EML4: variants seen among roughly 807,000 people sequenced by gnomAD.
The protein encoded by EML4 is echinoderm microtubule-associated protein-like 4.
In EML4, 72 loss-of-function variants were observed where a neutral mutation model predicts 129.0. The ratio of observed to expected loss-of-function variants is 0.56; its 90% CI spans 0.46 to 0.68. The LOEUF (loss-of-function observed/expected upper bound fraction) is 0.68, where lower values mean the gene tolerates loss of function less well. Ranked by LOEUF, EML4 falls within the 30% of genes least tolerant of loss-of-function variation. The pLI, the probability that EML4 is intolerant of heterozygous loss-of-function variation, is 0.00. For synonymous variants in EML4, 532 were observed against 405.0 expected (o/e 1.31, Z -3.77); for missense variants, 1,363 against 1,190.6 (o/e 1.14, Z -2.13).
In EML4 at chr2:42,263,218, T is replaced by C. The variant is rs1477996970; in HGVS notation, c.553T>C (p.Trp185Arg). ...PSPAEKSHNS[W>R]ENSDDSRNKL... ...ACCAGCTGAAAAGTCACATAATTCT[T>C]GGGAAAATTCAGATGATAGCCGTAA... The change falls in exon 5 of 23, where the codon TGG (tryptophan) becomes CGG (arginine). Residue 185 changes from tryptophan (W) to arginine (R), a missense_variant. By Grantham distance (101) the Trp-to-Arg change is moderately radical. Transcript: ENST00000318522. The C allele has an allele frequency of 1.2e-6, 2 of 1,612,910 alleles. No individual in the cohort carries two copies. Among genetic ancestry groups the C allele is most frequent in the Admixed American group, 1.7e-5 (1 of 59,886 alleles).
chr2:42,265,730 TAATC>T (rs1192050337), intron 6 of EML4, among the ~76,000 whole-genome samples: 1 of 152,226 alleles, frequency 6.6e-6, no homozygotes, highest in Non-Finnish European at 1.5e-5. Flanking sequence ...TCATTGCAAA[TAATC>T]ACTCATTTCT....
At chr2:42,260,697 T>C (rs1006739876) in intron 3 of EML4, among the ~76,000 whole-genome samples, 1 of 152,146 alleles carries the variant, frequency 6.6e-6, no homozygotes, top group Admixed American at 6.5e-5. Context: ...AGTAGAAGTA[T>C]ACAGAAAAAA....
intron 11 of EML4, among the ~76,000 whole-genome samples, chr2:42,293,319 C>G (rs572000079): frequency 1.3e-5 from 2 of 152,142 alleles, no homozygotes; most frequent in South Asian, 2.1e-4. Context: ...CACAGTTGAT[C>G]TCTAACTCCT....
chr2:42,261,756 C>G (rs925185341), intron 4 of EML4, among the ~76,000 whole-genome samples: 10 of 152,130 alleles, frequency 6.6e-5, no homozygotes, highest in African/African-American at 2.4e-4. Flanking sequence ...ATCTCAGTTT[C>G]AGTTTTGGGT....
intron 6 of EML4, among the ~76,000 whole-genome samples, chr2:42,271,352 G>T (rs1447628209): frequency 6.6e-6 from 1 of 152,172 alleles, no homozygotes; most frequent in East Asian, 1.9e-4. Flanking sequence ...CCAGGCCGCT[G>T]GTCTCGCCAT....
intron 11 of EML4, among the ~76,000 whole-genome samples, chr2:42,291,536 T>A (rs928538985): frequency 6.6e-6 from 1 of 151,978 alleles, no homozygotes; most frequent in South Asian, 2.1e-4. Flanking sequence ...CCTGAGTAGT[T>A]GGGATTACAG....
At chr2:42,235,602 C>T (rs1457104638) in intron 1 of EML4, among the ~76,000 whole-genome samples, 2 of 152,154 alleles carry the variant, frequency 1.3e-5, no homozygotes, top group African/African-American at 2.4e-5. Flanking sequence ...TGCACAGTAT[C>T]TCAGCATAAG....
intron 17 of EML4, among the ~76,000 whole-genome samples, chr2:42,314,730 T>C (rs1459975620): frequency 1.3e-5 from 2 of 152,218 alleles, no homozygotes; most frequent in African/African-American, 4.8e-5. Context: ...TCTGAATTCT[T>C]CCAACCAGCT....
intron 1 of EML4, among the ~76,000 whole-genome samples, chr2:42,233,733 C>T (rs1224163288): frequency 6.6e-6 from 1 of 152,232 alleles, no homozygotes; most frequent in Non-Finnish European, 1.5e-5. Context: ...TATAATGAAT[C>T]TTAATATCTT....
At chr2:42,255,059 T>C (rs539608158) in intron 2 of EML4, among the ~76,000 whole-genome samples, 2 of 152,178 alleles carry the variant, frequency 1.3e-5, no homozygotes, top group South Asian at 4.1e-4. Context: ...GAGTGACTGC[T>C]TAATGGATAC....
At chr2:42,325,977 T>C (rs367617874) in intron 20 of EML4, 177 bp from the exon 21 acceptor site, 27 of 531,420 alleles carry the variant, frequency 5.1e-5, no homozygotes, top group African/African-American at 4.1e-4. Flanking sequence ...AAACAGTTTG[T>C]AGTTTTATAA....
intron 7 of EML4, among the ~76,000 whole-genome samples, chr2:42,281,564 T>C (rs1667012155): frequency 6.6e-6 from 1 of 152,214 alleles, no homozygotes. Context: ...GTTTGAGTTT[T>C]GGCCCTGCCA....
intron 18 of EML4, among the ~76,000 whole-genome samples, chr2:42,316,541 A>T (rs547131154): frequency 6.6e-6 from 1 of 152,366 alleles, no homozygotes; most frequent in South Asian, 2.1e-4. Flanking sequence ...AATTCTCTAT[A>T]AGAATTTGAT....
intron 19 of EML4, among the ~76,000 whole-genome samples, chr2:42,318,753 G>A (rs926679803): frequency 6.6e-6 from 1 of 151,928 alleles, no homozygotes; most frequent in African/African-American, 2.4e-5. Context: ...TTGAGACAGG[G>A]TCTTACTCTG....
At chr2:42,186,970 T>C (rs568198639) in intron 1 of EML4, among the ~76,000 whole-genome samples, 1 of 151,404 alleles carries the variant, frequency 6.6e-6, no homozygotes, top group Non-Finnish European at 1.5e-5. Context: ...TCCCTCTACA[T>C]AGACTCCAGT....
At chr2:42,196,184 G>A (rs1671885670) in intron 1 of EML4, among the ~76,000 whole-genome samples, 1 of 152,114 alleles carries the variant, frequency 6.6e-6, no homozygotes, top group Non-Finnish European at 1.5e-5. Context: ...TCATTAATGA[G>A]TGAATTAATA....
intron 17 of EML4, among the ~76,000 whole-genome samples, chr2:42,308,418 G>A (rs993030886): frequency 1.3e-5 from 2 of 152,150 alleles, no homozygotes; most frequent in Non-Finnish European, 2.9e-5. Flanking sequence ...GCTGAGGCAG[G>A]AGGATTGCTT....
intron 11 of EML4, among the ~76,000 whole-genome samples, chr2:42,292,843 C>A (rs140383375): frequency 9.5e-4 from 145 of 152,254 alleles, no homozygotes; most frequent in African/African-American, 3.4e-3. Flanking sequence ...TCATAGATTT[C>A]TTCAGTTTAT....
chr2:42,280,446 C>G (rs538152766), intron 6 of EML4, among the ~76,000 whole-genome samples: 3 of 152,172 alleles, frequency 2.0e-5, no homozygotes, highest in Non-Finnish European at 4.4e-5. Context: ...TTCAGCCAAC[C>G]ATGGGTTGAA....
Sources: allele counts gnomAD v4.1 joint callset (sites outside exome capture counted in the v4.1 genomes callset), GRCh38; gene constraint gnomAD v4.1.1; transcripts MANE v1.5; gene names NCBI Gene and HGNC (gene_info 2026-07-23, HGNC 2026-07-21).